NR3C2: variants seen among roughly 807,000 people sequenced by gnomAD.
NR3C2 encodes the protein mineralocorticoid receptor.
In NR3C2, 15 loss-of-function variants were observed where a neutral mutation model predicts 86.4. That is an observed-to-expected ratio of 0.17 (90% confidence interval 0.12 to 0.27). NR3C2 has a LOEUF of 0.27. Among genes scored for constraint, NR3C2 ranks in the 10% least tolerant of loss-of-function variants. The pLI, the probability that NR3C2 is intolerant of heterozygous loss-of-function variation, is 1.00. For synonymous variants in NR3C2, 458 were observed against 450.5 expected, an observed-to-expected ratio of 1.02 and a Z score of -0.21; for missense variants, 960 against 1,195.6, an observed-to-expected ratio of 0.80 and a Z score of 2.91.
At chr4:148,095,867 C>T (rs1044442068) in intron 8 of NR3C2, among the ~76,000 whole-genome samples, 2 of 152,124 alleles carry the variant, frequency 1.3e-5, no homozygotes, top group Non-Finnish European at 2.9e-5. Context: ...AAACTCATCC[C>T]GGCCCCCATC....
chr4:148,319,510 C>T (rs971705161), intron 2 of NR3C2, among the ~76,000 whole-genome samples: 3 of 150,440 alleles, frequency 2.0e-5, no homozygotes, highest in African/African-American at 7.4e-5. Context: ...TACCCATGAG[C>T]ATGGAATGTT....
chr4:148,128,074 A>G (rs1732834543), intron 6 of NR3C2, among the ~76,000 whole-genome samples: 1 of 152,214 alleles, frequency 6.6e-6, no homozygotes, highest in South Asian at 2.1e-4. Context: ...AATAGTGGGA[A>G]TTAGAAAAAG....
chr4:148,208,566 G>A (rs1737121188), intron 3 of NR3C2: 1 of 152,294 alleles, frequency 6.6e-6, no homozygotes, highest in Non-Finnish European at 1.5e-5. Flanking sequence ...TCCCAAGACT[G>A]GGGCTCTGAC....
chr4:148,364,164 C>T (rs1341017911), intron 2 of NR3C2, among the ~76,000 whole-genome samples: 1 of 152,170 alleles, frequency 6.6e-6, no homozygotes, highest in Non-Finnish European at 1.5e-5. Context: ...AAACACCATA[C>T]ATAGTGCTCA....
chr4:148,366,481 CAGCACTT>C (rs1746148787), intron 2 of NR3C2, among the ~76,000 whole-genome samples: 6 of 14,860 alleles, frequency 4.0e-4, no homozygotes, highest in Admixed American at 7.6e-4. Context: ...AAAAAGTACT[CAGCACTT>C]TTAAAAAAGA....
chr4:148,302,496 C>T lies in NR3C2; in HGVS notation c.1758-42379G>A, dbSNP rs148679578. Reference sequence around the variant, plus strand: ...AGTTGTGAGTATTCTTAACTTATGGCAACATAGTTGTTTGCTTAAGTGAAA... The same window carrying T: ...AGTTGTGAGTATTCTTAACTTATGGTAACATAGTTGTTTGCTTAAGTGAAA... On this transcript the variant is annotated intron_variant, in intron 2 of 8. Coordinates refer to ENST00000358102, the MANE Select transcript of NR3C2 (RefSeq NM_000901.5). 1.4e-3 allele frequency among the ~76,000 whole-genome samples: 219 copies of T among 152,262 alleles called. 1 individual carries two copies. The highest frequency in any genetic ancestry group is 5.1e-3 in the African/African-American group (213 of 41,556).
intron 2 of NR3C2, among the ~76,000 whole-genome samples, chr4:148,308,638 T>C (rs1742757475): frequency 6.6e-6 from 1 of 152,026 alleles, no homozygotes; most frequent in Admixed American, 6.6e-5. Context: ...AAATCACAGC[T>C]AAAAGGAAGG....
At chr4:148,275,309 T>C (rs1451224295) in intron 2 of NR3C2, among the ~76,000 whole-genome samples, 1 of 152,232 alleles carries the variant, frequency 6.6e-6, no homozygotes, top group Non-Finnish European at 1.5e-5. Flanking sequence ...TAAGAAAATC[T>C]GTTGAGGTCT....
intron 8 of NR3C2, among the ~76,000 whole-genome samples, chr4:148,086,830 T>A (rs1038598012): frequency 1.3e-5 from 2 of 152,194 alleles, no homozygotes; most frequent in Non-Finnish European, 2.9e-5. Context: ...TCATACTGAA[T>A]GGACAACAAC....
chr4:148,204,247 A>G (rs997876715), intron 3 of NR3C2, among the ~76,000 whole-genome samples: 22 of 152,244 alleles, frequency 1.4e-4, no homozygotes, highest in Admixed American at 3.9e-4. Context: ...AAAGCAAGTA[A>G]GTTACTAACA....
At chr4:148,419,527 C>T (rs956800510) in intron 2 of NR3C2, among the ~76,000 whole-genome samples, 5 of 152,128 alleles carry the variant, frequency 3.3e-5, no homozygotes, top group African/African-American at 9.7e-5. Context: ...ATACTTCTTA[C>T]GTACTCTTAG....
chr4:148,126,705 C>T (rs1384700577), intron 6 of NR3C2, among the ~76,000 whole-genome samples: 1 of 152,136 alleles, frequency 6.6e-6, no homozygotes, highest in Non-Finnish European at 1.5e-5. Context: ...TTTGCCACTG[C>T]AGTATGAACA....
chr4:148,083,897 C>G (rs1406485506), intron 8 of NR3C2, among the ~76,000 whole-genome samples: 1 of 151,900 alleles, frequency 6.6e-6, no homozygotes, highest in Non-Finnish European at 1.5e-5. Context: ...AATAGCTGAA[C>G]TGATCAAGCG....
intron 1 of NR3C2, among the ~76,000 whole-genome samples, chr4:148,437,779 T>A (rs982312753): frequency 6.6e-6 from 1 of 152,194 alleles, no homozygotes; most frequent in African/African-American, 2.4e-5. Flanking sequence ...AAGTGCCTGC[T>A]ACACCCTTGG....
At chr4:148,118,416 C>A (rs1578902149) in intron 7 of NR3C2, among the ~76,000 whole-genome samples, 1 of 152,178 alleles carries the variant, frequency 6.6e-6, no homozygotes, top group Non-Finnish European at 1.5e-5. Flanking sequence ...TACACTCTCC[C>A]AGTTTCTCCA....
intron 3 of NR3C2, among the ~76,000 whole-genome samples, chr4:148,196,881 A>C (rs1385947152): frequency 6.6e-6 from 1 of 152,186 alleles, no homozygotes; most frequent in Non-Finnish European, 1.5e-5. Context: ...GTAACTGATA[A>C]ATATAACGTT....
intron 4 of NR3C2, among the ~76,000 whole-genome samples, chr4:148,182,895 G>C (rs553682394): frequency 6.6e-6 from 1 of 152,314 alleles, no homozygotes; most frequent in Non-Finnish European, 1.5e-5. Context: ...AGGTATATAT[G>C]TGTCATGTTG....
intron 2 of NR3C2, among the ~76,000 whole-genome samples, chr4:148,284,382 T>G (rs888920429): frequency 3.9e-5 from 6 of 152,080 alleles, no homozygotes; most frequent in Non-Finnish European, 8.8e-5. Context: ...CAACACACAT[T>G]TGCTGATGAA....
At chr4:148,158,567 A>G (rs1241643019) in intron 4 of NR3C2, among the ~76,000 whole-genome samples, 1 of 152,214 alleles carries the variant, frequency 6.6e-6, no homozygotes, top group African/African-American at 2.4e-5. Context: ...GCACATTAAG[A>G]TGTTCTCATC....
Sources: allele counts gnomAD v4.1 joint callset (sites outside exome capture counted in the v4.1 genomes callset), GRCh38; gene constraint gnomAD v4.1.1; transcripts MANE v1.5; gene names NCBI Gene and HGNC (gene_info 2026-07-23, HGNC 2026-07-21).